PDHX: variants seen among roughly 807,000 people sequenced by gnomAD.
PDHX encodes pyruvate dehydrogenase protein X component, mitochondrial.
In PDHX, 33 loss-of-function variants were observed where a neutral mutation model predicts 55.3. That is an observed-to-expected ratio of 0.60 (90% CI 0.45 to 0.80). The LOEUF (loss-of-function observed/expected upper bound fraction) is 0.80, where lower values mean the gene tolerates loss of function less well. Ranked by LOEUF, PDHX falls within the 30% of genes least tolerant of loss-of-function variation. PDHX has a pLI of 0.00. For synonymous variants in PDHX, 226 were observed against 219.4 expected, an observed-to-expected ratio of 1.03 and a Z score of -0.27; for missense variants, 622 against 619.9, an observed-to-expected ratio of 1.00 and a Z score of -0.04.
chr11:34,922,270 A>G (rs1236505294), intron 1 of PDHX, among the ~76,000 whole-genome samples: 1 of 152,240 alleles, frequency 6.6e-6, no homozygotes, highest in Non-Finnish European at 1.5e-5. Context: ...CAAGAAAAGT[A>G]TATTGCTGAA....
At chr11:34,982,816 G>A (rs1444287918) in intron 8 of PDHX, among the ~76,000 whole-genome samples, 1 of 152,104 alleles carries the variant, frequency 6.6e-6, no homozygotes, top group African/African-American at 2.4e-5. Context: ...AGGACCAGAT[G>A]GATTCACAGC....
rs554051809 is a variant in PDHX at position 34,947,506 on chromosome 11, G to A, written c.242G>A (p.Gly81Asp). The A allele has an allele frequency of 5.7e-5, 91 of 1,608,228 alleles. No individual in the cohort carries two copies. The East Asian group carries it at 2.0e-3, about 35-fold the overall frequency. ...GNIVKWLKKE[G>D]EAVSAGDALC... ...AAACAAACCCAGTCTTGTTTTGTAG[G>A]TGAAGCGGTGAGTGCTGGAGATGCA... Residue 81 changes from glycine to aspartate, a missense_variant and splice_region_variant, in exon 3 of 11, where the codon GGT becomes GAT. Coordinates refer to ENST00000227868, the MANE Select transcript of PDHX (RefSeq NM_003477.3).
At position 34,987,220 on chromosome 11, in the gene PDHX, A is replaced by G. The variant is rs548735489; in HGVS notation, c.1182+2492A>G. Among the ~76,000 whole-genome samples the G allele has an allele frequency of 1.2e-3, 183 of 152,118 alleles. 2 individuals carry two copies. The highest frequency in any genetic ancestry group is 3.8e-3 in the African/African-American group (156 of 41,486). The stretch of plus-strand genomic sequence containing the variant: ...CTCCCCTTTGTCTTTTTCTCCCGCA[A>G]AGTTACCAGAAAGGAGGGTTTGGTT... On this transcript the variant is annotated intron_variant, in intron 9 of 10. Coordinates refer to ENST00000227868, the MANE Select transcript of PDHX (RefSeq NM_003477.3).
Position 34,984,076 on chromosome 11 carries a change from G to A in PDHX, c.1024-494G>A, listed in dbSNP as rs369041983. 9.0e-4 allele frequency among the ~76,000 whole-genome samples: 137 copies of A among 152,194 alleles called. 2 individuals carry two copies. The highest frequency in any genetic ancestry group is 3.2e-3 in the African/African-American group (132 of 41,498). On this transcript the variant is annotated intron_variant, in intron 8 of 10. Coordinates refer to ENST00000227868, the MANE Select transcript of PDHX (RefSeq NM_003477.3). The stretch of plus-strand genomic sequence containing the variant: ...AGCATGGTACTGGTACCAAAACAGA[G>A]ATATAGACCAATGGAACAGATATCT...
chr11:34,929,758 G>A (rs1476113220), intron 1 of PDHX, among the ~76,000 whole-genome samples: 3 of 152,202 alleles, frequency 2.0e-5, no homozygotes, highest in Non-Finnish European at 4.4e-5. Context: ...TCTCATTGAT[G>A]AAATGGGCGT....
intron 3 of PDHX, among the ~76,000 whole-genome samples, chr11:34,955,576 G>A (rs1854886335): frequency 6.6e-6 from 1 of 152,082 alleles, no homozygotes; most frequent in South Asian, 2.1e-4. Flanking sequence ...AGAAAAAAAT[G>A]TGAATAGTTA....
chr11:34,984,376 A>G (rs983863281), intron 8 of PDHX, among the ~76,000 whole-genome samples, 194 bp from the exon 9 acceptor site: 4 of 152,242 alleles, frequency 2.6e-5, no homozygotes, highest in Non-Finnish European at 5.9e-5. Context: ...AAAAGGTGGT[A>G]TGTTTAATTA....
chr11:34,941,244 A>G (rs1024186269), intron 2 of PDHX, among the ~76,000 whole-genome samples: 1 of 152,152 alleles, frequency 6.6e-6, no homozygotes, highest in Non-Finnish European at 1.5e-5. Flanking sequence ...GTGTGTGTGA[A>G]GTGAAAAGGG....
intron 10 of PDHX, among the ~76,000 whole-genome samples, chr11:34,994,438 G>A (rs1855817153): frequency 6.6e-6 from 1 of 152,224 alleles, no homozygotes; most frequent in African/African-American, 2.4e-5. Flanking sequence ...CAGTGAATGA[G>A]TGAATGCTTA....
At chr11:34,929,989 A>G (rs966899785) in intron 1 of PDHX, among the ~76,000 whole-genome samples, 4 of 152,208 alleles carry the variant, frequency 2.6e-5, no homozygotes, top group Non-Finnish European at 5.9e-5. Context: ...TAGACTTTGA[A>G]CTTTCTGTTT....
intron 4 of PDHX, among the ~76,000 whole-genome samples, chr11:34,958,309 C>T (rs975611451): frequency 2.6e-5 from 4 of 151,758 alleles, no homozygotes; most frequent in African/African-American, 4.8e-5. Flanking sequence ...GGGGGGCGTG[C>T]GGAGGTGGGT....
At chr11:34,940,140 T>C (rs888386511) in intron 2 of PDHX, among the ~76,000 whole-genome samples, 2 of 152,222 alleles carry the variant, frequency 1.3e-5, no homozygotes, top group African/African-American at 2.4e-5. Context: ...TTGAGATTTT[T>C]CTGCTCTGCC....
At chr11:34,951,233 A>T (rs1854760401) in intron 3 of PDHX, among the ~76,000 whole-genome samples, 1 of 150,932 alleles carries the variant, frequency 6.6e-6, no homozygotes, top group Admixed American at 6.6e-5. Flanking sequence ...ATTTTTCTGT[A>T]TTTTTTTAGT....
intron 1 of PDHX, among the ~76,000 whole-genome samples, chr11:34,930,688 G>C (rs1330089514): frequency 6.6e-6 from 1 of 152,220 alleles, no homozygotes; most frequent in African/African-American, 2.4e-5. Flanking sequence ...CAAATACATA[G>C]TGTTTGCTTT....
chr11:34,923,209 A>AT (rs1853939561), intron 1 of PDHX, among the ~76,000 whole-genome samples: 1 of 151,864 alleles, frequency 6.6e-6, no homozygotes, highest in Admixed American at 6.6e-5. Context: ...TGGGTGATTC[A>AT]TTTTTTTGGT....
chr11:34,983,746 T>G (rs1482736792), intron 8 of PDHX, among the ~76,000 whole-genome samples: 4 of 152,238 alleles, frequency 2.6e-5, no homozygotes, highest in African/African-American at 4.8e-5. Context: ...CAAGGAGAAC[T>G]ACAAACCACT....
chr11:34,967,746 C>T (rs1418170129), intron 6 of PDHX, among the ~76,000 whole-genome samples: 2 of 152,106 alleles, frequency 1.3e-5, no homozygotes, highest in African/African-American at 2.4e-5. Flanking sequence ...TAGTGGAGAA[C>T]TATATACCAT....
chr11:34,975,297 A>T lies in PDHX; in HGVS notation c.965-2827A>T, dbSNP rs1309082950. Among the ~76,000 whole-genome samples, 3 of 151,814 alleles carry T rather than the reference A, an allele frequency of 2.0e-5. No homozygotes were observed. In the East Asian group the frequency reaches 5.8e-4, roughly 29 times the overall value. ...ATGTATGGTTTGTTGTCTTCCTTTA[A>T]TTGTGAAAAATTTCCAGTTATTTTT... On this transcript the variant is annotated intron_variant, in intron 7 of 10. Coordinates refer to ENST00000227868, the MANE Select transcript of PDHX (RefSeq NM_003477.3).
chr11:34,984,665 A>G lies in PDHX; in HGVS notation c.1119A>G (p.Leu373=). 6.2e-7 allele frequency: 1 copy of G among 1,614,074 alleles called. No individual in the cohort carries two copies. The highest frequency in any genetic ancestry group is 8.5e-7 in the Non-Finnish European group (1 of 1,179,910). ...TGGCTGTGGCAACAGATAAAGGCTT[A>G]CTTACTCCAATCATAAAAGATGCTG... ...ISVAVATDKG[L]LTPIIKDAAA... Residue 373 remains leucine (L), a synonymous_variant, in exon 9 of 11, where the codon TTA becomes TTG. Transcript: ENST00000227868.
Sources: gnomAD v4.1 joint callset for allele counts (sites outside exome capture counted in the v4.1 genomes callset) on GRCh38, gnomAD v4.1.1 for gene constraint, MANE v1.5 for transcripts, NCBI Gene and HGNC (gene_info 2026-07-23, HGNC 2026-07-21) for gene names.